MACROD2: variants seen among roughly 807,000 people sequenced by gnomAD.
The protein encoded by MACROD2 is ADP-ribose glycohydrolase MACROD2.
MACROD2 carries 36 observed loss-of-function variants against 70.4 expected under a neutral mutation model. The observed-to-expected ratio is 0.51, with a 90% CI of 0.39 to 0.68. The LOEUF (loss-of-function observed/expected upper bound fraction) is 0.68. Ranked by LOEUF, MACROD2 falls within the 30% of genes least tolerant of loss-of-function variation. MACROD2 has a pLI of 0.00. For synonymous variants in MACROD2, 172 were observed against 178.8 expected (o/e 0.96, Z 0.30); for missense variants, 496 against 538.4 (o/e 0.92, Z 0.78).
At chr20:15,266,479 C>T (rs1296056614) in intron 6 of MACROD2, among the ~76,000 whole-genome samples, 1 of 152,202 alleles carries the variant, frequency 6.6e-6, no homozygotes, top group Non-Finnish European at 1.5e-5. Flanking sequence ...CAAAGAATTA[C>T]ACAGTTAAAG....
intron 7 of MACROD2, among the ~76,000 whole-genome samples, chr20:15,489,755 T>C (rs1429148810): frequency 6.6e-6 from 1 of 152,144 alleles, no homozygotes; most frequent in Non-Finnish European, 1.5e-5. Context: ...ACATAGAGGC[T>C]TTCTGGTATG....
At chr20:14,864,722 G>T (rs1163734936) in intron 5 of MACROD2, among the ~76,000 whole-genome samples, 1 of 152,018 alleles carries the variant, frequency 6.6e-6, no homozygotes, top group Non-Finnish European at 1.5e-5. Context: ...AGATAACTGA[G>T]AAAGCAGTGG....
chr20:14,740,702 G>C (rs2071722498), intron 5 of MACROD2, among the ~76,000 whole-genome samples: 1 of 151,962 alleles, frequency 6.6e-6, no homozygotes, highest in African/African-American at 2.4e-5. Flanking sequence ...TTCTAATGCT[G>C]TCTCAATATA....
At chr20:14,250,059 T>C (rs2081998489) in intron 3 of MACROD2, among the ~76,000 whole-genome samples, 1 of 151,720 alleles carries the variant, frequency 6.6e-6, no homozygotes, top group South Asian at 2.1e-4. Context: ...GGGTAATAAT[T>C]ACAAAGTTTG....
intron 8 of MACROD2, among the ~76,000 whole-genome samples, chr20:15,602,266 C>A (rs2048832804): frequency 6.6e-6 from 1 of 152,138 alleles, no homozygotes; most frequent in Non-Finnish European, 1.5e-5. Context: ...GACCAATCAA[C>A]CCAGGAGAAC....
At chr20:15,565,274 G>A (rs142486686) in intron 8 of MACROD2, among the ~76,000 whole-genome samples, 65 of 152,322 alleles carry the variant, frequency 4.3e-4, no homozygotes, top group African/African-American at 6.5e-4. Context: ...AGATCTCTGA[G>A]TATCTAAAGA....
At chr20:14,482,079 A>G (rs776712190) in intron 3 of MACROD2, among the ~76,000 whole-genome samples, 1 of 152,200 alleles carries the variant, frequency 6.6e-6, no homozygotes, top group Non-Finnish European at 1.5e-5. Context: ...TATGATTTTT[A>G]TAAGCTGGTC....
chr20:14,304,885 T>C (rs529668739), intron 3 of MACROD2, among the ~76,000 whole-genome samples: 1 of 152,270 alleles, frequency 6.6e-6, no homozygotes, highest in South Asian at 2.1e-4. Context: ...CCTCCTAGAT[T>C]GTAAGCATGT....
intron 5 of MACROD2, among the ~76,000 whole-genome samples, chr20:14,755,341 G>A (rs190947149): frequency 4.6e-5 from 7 of 152,108 alleles, no homozygotes; most frequent in Non-Finnish European, 7.4e-5. Flanking sequence ...GGGGCATTTC[G>A]GATGAGGTTA....
At position 14,742,133 on chromosome 20, in the gene MACROD2, A is replaced by G. The variant is rs753748143; in HGVS notation, c.418+57174A>G. Among the ~76,000 whole-genome samples the G allele has an allele frequency of 2.4e-4, 36 of 152,206 alleles. 1 individual carries two copies. The highest frequency in any genetic ancestry group is 3.7e-4 in the Non-Finnish European group (25 of 68,010). ...GAATAAAGGATTTAAGTCCTTTTATAAAAACTGTTTTTGGAAGAAATTTTA... is the reference window on the plus strand; with the variant it reads ...GAATAAAGGATTTAAGTCCTTTTATGAAAACTGTTTTTGGAAGAAATTTTA... On this transcript the variant is annotated intron_variant, in intron 5 of 17. Coordinates refer to ENST00000684519, the MANE Select transcript of MACROD2 (RefSeq NM_001351661.2).
intron 5 of MACROD2, among the ~76,000 whole-genome samples, chr20:15,016,284 T>G (rs2075120603): frequency 2.0e-5 from 3 of 152,184 alleles, no homozygotes; most frequent in Admixed American, 2.0e-4. Flanking sequence ...CAGGGTGCAG[T>G]GTATCACTTC....
At chr20:15,884,258 T>C (rs761079566) in intron 9 of MACROD2, among the ~76,000 whole-genome samples, 13 of 152,006 alleles carry the variant, frequency 8.6e-5, no homozygotes, top group Non-Finnish European at 1.5e-4. Context: ...TCAGAAGCTA[T>C]GGCACCTAAG....
chr20:15,746,128 A>C (rs1365448542), intron 8 of MACROD2, among the ~76,000 whole-genome samples: 12 of 152,100 alleles, frequency 7.9e-5, no homozygotes, highest in Admixed American at 7.9e-4. Context: ...TTTTATAAAA[A>C]TATTGGGCTT....
chr20:14,514,252 G>A (rs181121938), intron 4 of MACROD2, among the ~76,000 whole-genome samples: 103 of 152,208 alleles, frequency 6.8e-4, no homozygotes, highest in Admixed American at 4.6e-4. Flanking sequence ...GAGAATTATC[G>A]CCAAGAAGCC....
At chr20:14,394,537 C>A (rs1417309306) in intron 3 of MACROD2, among the ~76,000 whole-genome samples, 2 of 152,004 alleles carry the variant, frequency 1.3e-5, no homozygotes, top group African/African-American at 4.8e-5. Flanking sequence ...TGTTTTACTT[C>A]TTCCTTTCTT....
intron 8 of MACROD2, among the ~76,000 whole-genome samples, chr20:15,635,865 T>G (rs1234398305): frequency 6.6e-6 from 1 of 151,824 alleles, no homozygotes; most frequent in Non-Finnish European, 1.5e-5. Flanking sequence ...GTCAGGAGTT[T>G]GAGACCAGCC....
intron 6 of MACROD2, among the ~76,000 whole-genome samples, chr20:15,345,268 T>C (rs1490279773): frequency 2.0e-5 from 3 of 152,214 alleles, no homozygotes; most frequent in Admixed American, 1.3e-4. Flanking sequence ...GAACCATGTG[T>C]GTTCATTCAT....
At chr20:14,026,831 A>G (rs1263401102) in intron 2 of MACROD2, among the ~76,000 whole-genome samples, 3 of 151,836 alleles carry the variant, frequency 2.0e-5, no homozygotes, top group Non-Finnish European at 4.4e-5. Context: ...CTTGGGACAC[A>G]TAATAAGAGC....
At chr20:15,851,105 C>T (rs1300808218) in intron 8 of MACROD2, among the ~76,000 whole-genome samples, 2 of 151,956 alleles carry the variant, frequency 1.3e-5, no homozygotes, top group African/African-American at 4.8e-5. Flanking sequence ...CGTTATTGTC[C>T]TAGGTCAAGT....
Sources: allele counts gnomAD v4.1 joint callset (sites outside exome capture counted in the v4.1 genomes callset), GRCh38; gene constraint gnomAD v4.1.1; transcripts MANE v1.5; gene names NCBI Gene and HGNC (gene_info 2026-07-23, HGNC 2026-07-21).